Variants in ADAMTS16 observed in about 807,000 individuals in gnomAD.
The protein encoded by ADAMTS16 is A disintegrin and metalloproteinase with thrombospondin motifs 16.
ADAMTS16 carries 94 observed loss-of-function variants against 145.8 expected under a neutral mutation model. That is an observed-to-expected ratio of 0.64 (90% CI 0.55 to 0.77). The LOEUF (loss-of-function observed/expected upper bound fraction) is 0.77. Ranked by LOEUF, ADAMTS16 falls within the 30% of genes least tolerant of loss-of-function variation. The pLI is 0.00. For synonymous variants in ADAMTS16, 659 were observed against 604.3 expected, an observed-to-expected ratio of 1.09 and a Z score of -1.33; for missense variants, 1,585 against 1,591.5, an observed-to-expected ratio of 1.00 and a Z score of 0.07.
At chr5:5,311,314 A>AAC (rs1477909517) in intron 21 of ADAMTS16, among the ~76,000 whole-genome samples, 17 of 99,178 alleles carry the variant, frequency 1.7e-4, no homozygotes, top group African/African-American at 6.0e-4. Flanking sequence ...AAAAAAAAAA[A>AAC]AAACAAAAAA....
chr5:5,294,995 G>A (rs1274853296), intron 18 of ADAMTS16, among the ~76,000 whole-genome samples: 1 of 151,718 alleles, frequency 6.6e-6, no homozygotes, highest in Non-Finnish European at 1.5e-5. Context: ...GTAGATAGAG[G>A]GAAAAATTAT....
At chr5:5,141,326 A>G (rs755747215) in intron 2 of ADAMTS16, among the ~76,000 whole-genome samples, 8 of 152,232 alleles carry the variant, frequency 5.3e-5, no homozygotes, top group Non-Finnish European at 7.3e-5. Context: ...GCTGATTGTG[A>G]CACCATCAGC....
intron 9 of ADAMTS16, among the ~76,000 whole-genome samples, chr5:5,205,152 C>G (rs904869394): frequency 1.3e-5 from 2 of 150,986 alleles, no homozygotes; most frequent in African/African-American, 4.9e-5. Flanking sequence ...AACATTTTGT[C>G]CCATTCTGGA....
chr5:5,141,690 T>G (rs1177163949), intron 2 of ADAMTS16, among the ~76,000 whole-genome samples: 1 of 152,238 alleles, frequency 6.6e-6, no homozygotes, highest in Admixed American at 6.5e-5. Context: ...AGTTAACAAT[T>G]CAGAATTTCT....
At chr5:5,170,562 G>A (rs1735017901) in intron 3 of ADAMTS16, among the ~76,000 whole-genome samples, 1 of 151,878 alleles carries the variant, frequency 6.6e-6, no homozygotes, top group African/African-American at 2.4e-5. Flanking sequence ...ATTTTTAGTA[G>A]AGACGCGGTT....
At chr5:5,286,823 A>C (rs903344145) in intron 18 of ADAMTS16, among the ~76,000 whole-genome samples, 41 of 134,782 alleles carry the variant, frequency 3.0e-4, no homozygotes, top group African/African-American at 1.1e-3. Flanking sequence ...GTGCCACTGC[A>C]CTCCAGCCTG....
rs555946309 is a variant in ADAMTS16 at position 5,232,263 on chromosome 5, A to G, written c.1702-105A>G. The stretch of plus-strand genomic sequence containing the variant: ...AGTGTAGGGGGAGGCTAATGTCTGC[A>G]TAGTTTACAAAATTCCCCACTGCTC... On this transcript the variant is annotated intron_variant, in intron 11 of 22. Transcript: ENST00000274181. 12 of 1,336,234 alleles carry G rather than the reference A, an allele frequency of 9.0e-6. No individual in the cohort carries two copies. In the East Asian group the frequency reaches 2.5e-4, roughly 28 times the overall value. The allele number at this position is 1,336,234 out of a possible 1,614,324, so 82.8% of individuals were successfully genotyped here.
In ADAMTS16 at chr5:5,239,411, C is replaced by G. The variant is rs183208832; in HGVS notation, c.2278+137C>G. ...GCTTCCTGCCTCAGCTGGCGCTTTG[C>G]TTCTCGAGCCTCTTGCTTTGATTGG... is the stretch of plus-strand genomic sequence containing the variant. On this transcript the variant is annotated intron_variant, in intron 15 of 22. Transcript: ENST00000274181. The G allele has an allele frequency of 2.7e-5, 36 of 1,330,074 alleles. No individual in the cohort carries two copies. In the African/African-American group the frequency reaches 4.4e-4, roughly 16 times the overall value. The allele number at this position is 1,330,074 out of a possible 1,614,324, so 82.4% of individuals were successfully genotyped here. A position where few individuals can be genotyped will look rare whatever the true frequency, so the allele number is the denominator to read the frequency against.
chr5:5,198,514 G>A (rs1735869793), intron 8 of ADAMTS16, among the ~76,000 whole-genome samples: 1 of 152,124 alleles, frequency 6.6e-6, no homozygotes, highest in Non-Finnish European at 1.5e-5. Flanking sequence ...TGACATCAAA[G>A]TGTCAAGGTT....
chr5:5,289,771 A>T (rs2126486448), intron 18 of ADAMTS16, among the ~76,000 whole-genome samples: 1 of 152,314 alleles, frequency 6.6e-6, no homozygotes. Context: ...TTTCTCACTG[A>T]TGCAGCAGGG....
At chr5:5,191,466 T>C (rs1205346253) in intron 7 of ADAMTS16, among the ~76,000 whole-genome samples, 1 of 152,052 alleles carries the variant, frequency 6.6e-6, no homozygotes, top group Admixed American at 6.5e-5. Flanking sequence ...GAACCATGAA[T>C]TGTGTTCCAC....
At chr5:5,265,530 C>T (rs1372510399) in intron 18 of ADAMTS16, among the ~76,000 whole-genome samples, 1 of 152,174 alleles carries the variant, frequency 6.6e-6, no homozygotes, top group African/African-American at 2.4e-5. Flanking sequence ...ACAGGAAATT[C>T]TTTGGGAAGC....
At chr5:5,241,097 G>C (rs1737276649) in intron 16 of ADAMTS16, among the ~76,000 whole-genome samples, 1 of 152,056 alleles carries the variant, frequency 6.6e-6, no homozygotes, top group Non-Finnish European at 1.5e-5. Flanking sequence ...CAGCACCACT[G>C]AGACTGGAGC....
chr5:5,235,787 C>G (rs1036375474), intron 13 of ADAMTS16, among the ~76,000 whole-genome samples: 6 of 151,930 alleles, frequency 3.9e-5, no homozygotes, highest in Admixed American at 3.9e-4. Context: ...TCAAAGAAAA[C>G]CTAATCATCT....
At chr5:5,315,449 A>AC (rs1203607167) in intron 21 of ADAMTS16, among the ~76,000 whole-genome samples, 1 of 109,128 alleles carries the variant, frequency 9.2e-6, no homozygotes, top group Non-Finnish European at 2.1e-5. Context: ...TTTAAATGAT[A>AC]CAAAAAAAAA....
chr5:5,202,792 T>C (rs947072615), intron 9 of ADAMTS16, among the ~76,000 whole-genome samples: 1 of 152,202 alleles, frequency 6.6e-6, no homozygotes. Context: ...GGGATTATAA[T>C]TTGGGTGTGT....
intron 18 of ADAMTS16, 111 bp from the exon 19 acceptor site, chr5:5,303,157 A>T (rs1739860265): frequency 8.4e-7 from 1 of 1,189,582 alleles, no homozygotes; most frequent in African/African-American, 1.5e-5. Flanking sequence ...ATAACGGCAC[A>T]CACACGACCG....
In ADAMTS16 at chr5:5,294,369, T is replaced by C. The variant is rs185205561; in HGVS notation, c.2790-8899T>C. 3.9e-5 allele frequency among the ~76,000 whole-genome samples: 6 copies of C among 152,314 alleles called. No individual in the cohort carries two copies. In the East Asian group the frequency reaches 1.2e-3, roughly 29 times the overall value. The stretch of plus-strand genomic sequence containing the variant: ...ATTTTAAGGAATTGGCTTATGTGAT[T>C]GTGGGGACTGGCAAGTCCAAAATCT... On this transcript the variant is annotated intron_variant, in intron 18 of 22. Coordinates refer to ENST00000274181, the MANE Select transcript of ADAMTS16 (RefSeq NM_139056.4).
rs112867612 is a variant in ADAMTS16, at chr5:5,237,436, G to A, written c.2154+337G>A. ...GTCAGGAAAATAGAGAGGGGACGTG[G>A]TGGTGCCAGATGCATGGGTTGCTAG... On this transcript the variant is annotated intron_variant, in intron 14 of 22. Coordinates refer to ENST00000274181, the MANE Select transcript of ADAMTS16 (RefSeq NM_139056.4). Among the ~76,000 whole-genome samples, 754 of 152,294 alleles carry A rather than the reference G, an allele frequency of 5.0e-3. 1 individual carries two copies. The highest frequency in any genetic ancestry group is 7.1e-3 in the Non-Finnish European group (484 of 68,032).
Sources: gnomAD v4.1 joint callset for allele counts (sites outside exome capture counted in the v4.1 genomes callset) on GRCh38, gnomAD v4.1.1 for gene constraint, MANE v1.5 for transcripts, NCBI Gene and HGNC (gene_info 2026-07-23, HGNC 2026-07-21) for gene names.